The following CTNNA1 variants were observed in gnomAD, a reference collection of about 807,000 sequenced individuals.
The protein encoded by CTNNA1 is catenin alpha-1.
A neutral mutation model predicts 98.4 loss-of-function variants in CTNNA1; 37 were observed. The ratio of observed to expected loss-of-function variants is 0.38; its 90% CI spans 0.29 to 0.49. CTNNA1 has a LOEUF of 0.49. Among genes scored for constraint, CTNNA1 ranks in the 20% least tolerant of loss-of-function variants. The pLI, the probability that CTNNA1 is intolerant of heterozygous loss-of-function variation, is 0.95. For synonymous variants in CTNNA1, 404 were observed against 413.2 expected (o/e 0.98, Z 0.27); for missense variants, 761 against 1,147.2 (o/e 0.66, Z 4.86).
intron 11 of CTNNA1, among the ~76,000 whole-genome samples, chr5:138,920,764 A>G (rs1468418128): frequency 6.6e-6 from 1 of 152,242 alleles, no homozygotes; most frequent in Non-Finnish European, 1.5e-5. Flanking sequence ...GAACCTGTCC[A>G]AGAGGAAATC....
rs1312670265 is a variant in CTNNA1 at position 138,854,670 on chromosome 5, C to T, written c.1062+26952C>T. ...AGCCTCTCTATTAGAAAAACATTTC[C>T]CAGTAAGCCTCTCTGTAGACATTTT... On this transcript the variant is annotated intron_variant, in intron 7 of 17. Transcript: ENST00000302763. Among the ~76,000 whole-genome samples the T allele has an allele frequency of 4.6e-5, 7 of 152,282 alleles. No individual in the cohort carries two copies. In the East Asian group the frequency reaches 1.3e-3, roughly 29 times the overall value.
intron 7 of CTNNA1, among the ~76,000 whole-genome samples, chr5:138,877,489 G>A (rs962391193): frequency 2.7e-5 from 4 of 147,882 alleles, no homozygotes; most frequent in South Asian, 4.3e-4. Flanking sequence ...CGCCCAGGCC[G>A]GACTGCGGAC....
chr5:138,754,888 G>T (rs1375485987), intron 1 of CTNNA1: 1 of 151,252 alleles, frequency 6.6e-6, no homozygotes, highest in Non-Finnish European at 1.5e-5. Context: ...TTCCGAAGTA[G>T]TTGGGACTAC....
chr5:138,770,238 C>T (rs571543897), intron 1 of CTNNA1, among the ~76,000 whole-genome samples: 21 of 152,236 alleles, frequency 1.4e-4, no homozygotes, highest in African/African-American at 4.3e-4. Flanking sequence ...TCTCTTGTGC[C>T]TCCAGTCCAG....
At chr5:138,764,998 C>T (rs541143384) in intron 1 of CTNNA1, among the ~76,000 whole-genome samples, 144 of 150,124 alleles carry the variant, frequency 9.6e-4, no homozygotes, top group Admixed American at 3.9e-3. Context: ...CTCAGCCTTC[C>T]GAGTATCTGG....
At chr5:138,914,279 T>C (rs1761283476) in intron 10 of CTNNA1, among the ~76,000 whole-genome samples, 1 of 152,236 alleles carries the variant, frequency 6.6e-6, no homozygotes, top group Non-Finnish European at 1.5e-5. Flanking sequence ...CCAAATATTC[T>C]TACAGTGTAT....
chr5:138,782,245 G>A lies in CTNNA1; in HGVS notation c.105+216G>A, dbSNP rs567554151. ...TCTTCAGTCTTATTGCTAGTAACGG[G>A]TCCATGGTATGTAGTGCAACTTTGC... On this transcript the variant is annotated intron_variant, in intron 2 of 17. Transcript: ENST00000302763. 1,315 of 632,474 alleles carry A rather than the reference G, an allele frequency of 2.1e-3. 3 individuals carry two copies. Among genetic ancestry groups the A allele is most frequent in the Non-Finnish European group, 3.0e-3 (1,019 of 344,126 alleles). The allele number at this position is 632,474 out of a possible 1,614,324, so 39.2% of individuals were successfully genotyped here.
At chr5:138,782,242 C>T (rs569350516) in intron 2 of CTNNA1, 6 of 628,258 alleles carry the variant, frequency 9.6e-6, no homozygotes, top group South Asian at 4.8e-5. Flanking sequence ...TTGCTAGTAA[C>T]GGGTCCATGG....
chr5:138,901,452 A>G (rs1298968961), intron 9 of CTNNA1, among the ~76,000 whole-genome samples: 1 of 151,614 alleles, frequency 6.6e-6, no homozygotes, highest in Non-Finnish European at 1.5e-5. Context: ...GAGCCACCAC[A>G]CCCAGCCTCT....
chr5:138,914,158 G>A (rs961867298), intron 10 of CTNNA1, among the ~76,000 whole-genome samples: 1 of 152,178 alleles, frequency 6.6e-6, no homozygotes, highest in Non-Finnish European at 1.5e-5. Context: ...TATACTGTAT[G>A]CGATATATTA....
At chr5:138,900,287 T>C (rs906330790) in intron 9 of CTNNA1, among the ~76,000 whole-genome samples, 1 of 152,244 alleles carries the variant, frequency 6.6e-6, no homozygotes, top group African/African-American at 2.4e-5. Context: ...TCCTTTGGGC[T>C]GCTGCTGCGT....
At chr5:138,875,346 A>C in intron 7 of CTNNA1, 1 of 975,852 alleles carries the variant, frequency 1.0e-6, no homozygotes. Flanking sequence ...GGATTTGCTT[A>C]TGTGCTGCGA....
At chr5:138,928,399 G>A (rs1473981142) in intron 13 of CTNNA1, among the ~76,000 whole-genome samples, 6 of 152,070 alleles carry the variant, frequency 3.9e-5, no homozygotes. Context: ...CTTTTCTTTT[G>A]ATGAAAGTCA....
rs1263623904 is a variant in CTNNA1, at chr5:138,873,184, T to C, written c.1063-13028T>C. On this transcript the variant is annotated intron_variant, in intron 7 of 17. Coordinates refer to ENST00000302763, the MANE Select transcript of CTNNA1 (RefSeq NM_001903.5). This position sits in a 1 kb window ranked among gnomAD's most constrained non-coding sequence, Gnocchi z 6.1. The stretch of plus-strand genomic sequence containing the variant: ...GGAGCTGCCTGTGGTTCTGAACCAT[T>C]GAGCACTGCCTAATTCTTCTTAAAG... The C allele has an allele frequency of 3.1e-6, 5 of 1,614,028 alleles. No individual in the cohort carries two copies. Among genetic ancestry groups the C allele is most frequent in the Non-Finnish European group, 4.2e-6 (5 of 1,179,888 alleles).
intron 4 of CTNNA1, chr5:138,811,955 A>C: frequency 1.9e-5 from 7 of 368,774 alleles, no homozygotes; most frequent in Non-Finnish European, 3.0e-5. Context: ...AGGGAGGGGA[A>C]GGGGGAGGGA....
In CTNNA1 at chr5:138,917,966, A is replaced by G. The variant is rs374692896; in HGVS notation, c.1546+68A>G. 5.4e-6 allele frequency: 8 copies of G among 1,472,392 alleles called. No homozygotes were observed. The African/African-American group carries it at 8.3e-5, about 15-fold the overall frequency. The allele number at this position is 1,472,392 out of a possible 1,614,324, so 91.2% of individuals were successfully genotyped here. A position where few individuals can be genotyped will look rare whatever the true frequency, so the allele number is the denominator to read the frequency against. On this transcript the variant is annotated intron_variant, in intron 11 of 17. Transcript: ENST00000302763. The stretch of plus-strand genomic sequence containing the variant: ...AATTACTTTTGTCTAAGTTGTATTA[A>G]TGGGCAAACACTGCTATGTCTTGGC...
intron 2 of CTNNA1, chr5:138,782,261 G>A (rs771244657): frequency 1.2e-5 from 7 of 588,506 alleles, no homozygotes; most frequent in Admixed American, 2.2e-5. Context: ...GGTATGTAGT[G>A]CAACTTTGCA....
At chr5:138,774,851 C>T (rs1976561) in intron 1 of CTNNA1, among the ~76,000 whole-genome samples, 99,070 of 151,778 alleles carry the variant, frequency 0.65, 33,029 homozygotes, top group East Asian at 0.93. Flanking sequence ...CCTCGTGATC[C>T]GCCCACCTCG....
At chr5:138,926,056 G>A (rs921462916) in intron 13 of CTNNA1, among the ~76,000 whole-genome samples, 13 of 152,174 alleles carry the variant, frequency 8.5e-5, no homozygotes, top group African/African-American at 2.9e-4. Context: ...GTTTCTTGAT[G>A]TCTTGTCCTC....
Sources: allele counts gnomAD v4.1 joint callset (sites outside exome capture counted in the v4.1 genomes callset), GRCh38; gene constraint gnomAD v4.1.1; non-coding constraint Gnocchi (gnomAD v3.1); transcripts MANE v1.5; gene names NCBI Gene and HGNC (gene_info 2026-07-23, HGNC 2026-07-21).